Variants in EIF2B3 observed in about 807,000 individuals in gnomAD.
EIF2B3 encodes the protein translation initiation factor eIF2B subunit gamma.
Under a neutral mutation model 54.1 loss-of-function variants are expected in EIF2B3, and 20 were observed. The ratio of observed to expected loss-of-function variants is 0.37; its 90% CI spans 0.26 to 0.54. The LOEUF (loss-of-function observed/expected upper bound fraction) is 0.54. Ranked by LOEUF, EIF2B3 falls within the 20% of genes least tolerant of loss-of-function variation. The pLI, the probability that EIF2B3 is intolerant of heterozygous loss-of-function variation, is 0.86. For missense variants in EIF2B3, 448 were observed against 547.8 expected, an observed-to-expected ratio of 0.82 and a Z score of 1.82; for synonymous variants, 153 against 188.1, an observed-to-expected ratio of 0.81 and a Z score of 1.52.
chr1:44,948,951 T>C (rs1421231254), intron 3 of EIF2B3, among the ~76,000 whole-genome samples: 4 of 151,954 alleles, frequency 2.6e-5, no homozygotes, highest in Non-Finnish European at 4.4e-5. Flanking sequence ...CACTGCAACC[T>C]CCGCCCCCCG....
intron 3 of EIF2B3, among the ~76,000 whole-genome samples, chr1:44,965,209 G>A (rs1644324971): frequency 6.6e-6 from 1 of 152,200 alleles, no homozygotes; most frequent in Non-Finnish European, 1.5e-5. Flanking sequence ...GATACTACAT[G>A]AGTCCTGTTA....
chr1:44,967,011 T>C (rs935475369), intron 3 of EIF2B3, among the ~76,000 whole-genome samples: 1 of 151,770 alleles, frequency 6.6e-6, no homozygotes, highest in African/African-American at 2.4e-5. Context: ...AGATGGGGTT[T>C]CACCATGTTG....
chr1:44,970,556 C>A (rs1423313076), intron 3 of EIF2B3, among the ~76,000 whole-genome samples: 1 of 152,150 alleles, frequency 6.6e-6, no homozygotes, highest in Non-Finnish European at 1.5e-5. Flanking sequence ...GAAGAAAAAA[C>A]ATGGGCTTAA....
At chr1:44,978,193 T>C in intron 3 of EIF2B3, 122 bp downstream of exon 3, 1 of 1,119,700 alleles carries the variant, frequency 8.9e-7, no homozygotes, top group South Asian at 1.3e-5. Flanking sequence ...ATCACACTAC[T>C]GCACTCCGGC....
chr1:44,985,008 T>G (rs1185791517), intron 1 of EIF2B3, among the ~76,000 whole-genome samples: 21 of 150,912 alleles, frequency 1.4e-4, no homozygotes, highest in Admixed American at 1.3e-3. Context: ...GGGTTTCACC[T>G]TGTTAGCCAG....
rs1358351101 is a variant in EIF2B3 at position 44,941,576 on chromosome 1, A to T, written c.384T>A (p.Leu128=). 6.2e-7 allele frequency: 1 copy of T among 1,614,072 alleles called. No individual in the cohort carries two copies. Among genetic ancestry groups the T allele is most frequent in the South Asian group, 1.1e-5 (1 of 91,070 alleles). The change falls in exon 4 of 12, where the codon CTT becomes CTA. Residue 128 remains leucine (L), a synonymous_variant. Transcript: ENST00000360403. ...CTTGGCCTTTTCTCATCAACATAGC[A>T]AGTGATGCATCATAAGCTCTAAACA... ...VDLFRAYDAS[L]AMLMRKGQDS... is the part of the protein sequence containing the mutation.
intron 9 of EIF2B3, 102 bp downstream of exon 9, chr1:44,875,516 G>A: frequency 9.3e-7 from 1 of 1,070,088 alleles, no homozygotes; most frequent in East Asian, 2.4e-5. Context: ...CCCTGGGGCT[G>A]ATGAGGTTCA....
chr1:44,865,071 T>C lies in EIF2B3; in HGVS notation c.1203-7264A>G, dbSNP rs565183136. Among the ~76,000 whole-genome samples the C allele has an allele frequency of 7.2e-5, 11 of 152,240 alleles. No individual in the cohort carries two copies. In the East Asian group the frequency reaches 2.1e-3, roughly 29 times the overall value. ...CTGTCTCTACTAAAAATACAAAAAT[T>C]AGCTGGGTGTGGTGGCGCACGCCTA... On this transcript the variant is annotated intron_variant, in intron 10 of 11. Coordinates refer to ENST00000360403, the MANE Select transcript of EIF2B3 (RefSeq NM_020365.5).
chr1:44,981,205 G>A, intron 1 of EIF2B3, 28 bp from the exon 2 acceptor site: 1 of 1,610,716 alleles, frequency 6.2e-7, no homozygotes, highest in Non-Finnish European at 8.5e-7. Context: ...ACAATTAACA[G>A]AAAAAAAACA....
At chr1:44,886,534 C>T (rs1211469208) in intron 6 of EIF2B3, among the ~76,000 whole-genome samples, 2 of 152,158 alleles carry the variant, frequency 1.3e-5, no homozygotes, top group African/African-American at 4.8e-5. Flanking sequence ...CTGAGAAGGA[C>T]TTCATACTTC....
At chr1:44,880,114 C>T in intron 7 of EIF2B3, 106 bp from the exon 8 acceptor site, 2 of 1,243,018 alleles carry the variant, frequency 1.6e-6, no homozygotes, top group Non-Finnish European at 2.3e-6. Flanking sequence ...CGAGGTCTTG[C>T]TATGTTGCCT....
intron 6 of EIF2B3, among the ~76,000 whole-genome samples, chr1:44,883,775 GCAGGTAAGA>G (rs1655489124): frequency 6.6e-6 from 1 of 152,196 alleles, no homozygotes; most frequent in Admixed American, 6.5e-5. Flanking sequence ...TATCTCGGCA[GCAGGTAAGA>G]TGAACCCACT....
At chr1:44,910,631 C>CTTTTT (rs60757270) in intron 5 of EIF2B3, among the ~76,000 whole-genome samples, 1 of 61,426 alleles carries the variant, frequency 1.6e-5, no homozygotes, top group Admixed American at 2.2e-4. Context: ...CCAAGTAATG[C>CTTTTT]TTTTTTTTTT....
chr1:44,900,912 G>A (rs182448418), intron 5 of EIF2B3, among the ~76,000 whole-genome samples: 210 of 152,152 alleles, frequency 1.4e-3, no homozygotes, highest in Non-Finnish European at 2.4e-3. Flanking sequence ...TTGAAATTAG[G>A]CTGTTAGTGA....
intron 3 of EIF2B3, among the ~76,000 whole-genome samples, chr1:44,966,449 A>AG (rs1039224926): frequency 6.6e-6 from 1 of 151,362 alleles, no homozygotes. Flanking sequence ...AAAAAAAAAA[A>AG]AAAAAAAGAA....
At chr1:44,877,595 T>C (rs549148363) in intron 8 of EIF2B3, among the ~76,000 whole-genome samples, 25 of 152,144 alleles carry the variant, frequency 1.6e-4, no homozygotes, top group Non-Finnish European at 5.9e-5. Flanking sequence ...TTTAGACAAA[T>C]TCGAAATCAA....
At chr1:44,979,263 CA>C (rs1164140004) in intron 2 of EIF2B3, among the ~76,000 whole-genome samples, 2 of 148,230 alleles carry the variant, frequency 1.3e-5, no homozygotes, top group Non-Finnish European at 3.0e-5. Flanking sequence ...AACAAACAAA[CA>C]AAAAAAAACC....
chr1:44,971,239 C>T (rs917811991), intron 3 of EIF2B3, among the ~76,000 whole-genome samples: 8 of 151,878 alleles, frequency 5.3e-5, no homozygotes, highest in Admixed American at 3.9e-4. Flanking sequence ...AAAAATTAGT[C>T]GGGCTTGGTG....
chr1:44,874,702 A>C lies in EIF2B3; in HGVS notation c.1178T>G (p.Met393Arg), dbSNP rs985975888. 2 of 1,614,094 alleles carry C rather than the reference A, an allele frequency of 1.2e-6. No individual in the cohort carries two copies. Among genetic ancestry groups the C allele is most frequent in the African/African-American group, 2.7e-5 (2 of 74,932 alleles). The change falls in exon 10 of 12, where the codon ATG (methionine) becomes AGG (arginine). Residue 393 changes from methionine to arginine, a missense_variant. Physicochemically the swap from Met to Arg is moderately conservative, Grantham distance 91. Around this residue, in one of 3 missense-constraint regions of EIF2B3, gnomAD observed 350 missense variants for 414.2 expected, o/e 0.85. Coordinates refer to ENST00000360403, the MANE Select transcript of EIF2B3 (RefSeq NM_020365.5). Reference sequence around the variant, plus strand: ...CCCTTCCTCCACAGTGACTGAGTTCATGAGAAGGCAATTGGTAATAGTCAC... The same window carrying C: ...CCCTTCCTCCACAGTGACTGAGTTCCTGAGAAGGCAATTGGTAATAGTCAC... The part of the protein sequence containing the change: ...DRVTITNCLL[M>R]NSVTVEEGSN...
Sources: allele counts gnomAD v4.1 joint callset (sites outside exome capture counted in the v4.1 genomes callset), GRCh38; gene constraint gnomAD v4.1.1; regional missense constraint gnomAD v4.1.1; transcripts MANE v1.5; gene names NCBI Gene and HGNC (gene_info 2026-07-23, HGNC 2026-07-21).